Variants in DGKA observed in about 807,000 individuals in gnomAD.
DGKA encodes 80 kDa diacylglycerol kinase.
A neutral mutation model predicts 105.0 loss-of-function variants in DGKA; 35 were observed. The ratio of observed to expected loss-of-function variants is 0.33; its 90% confidence interval spans 0.25 to 0.44. DGKA has a LOEUF of 0.44. Among genes scored for constraint, DGKA ranks in the 20% least tolerant of loss-of-function variants. The pLI is 1.00. For synonymous variants in DGKA, 296 were observed against 332.0 expected, an observed-to-expected ratio of 0.89 and a Z score of 1.18; for missense variants, 665 against 915.0, an observed-to-expected ratio of 0.73 and a Z score of 3.53.
chr12:55,940,012 C>A lies in DGKA; in HGVS notation c.710-70C>A. 7.2e-7 allele frequency: 1 copy of A among 1,380,948 alleles called. No individual in the cohort carries two copies. Among genetic ancestry groups the A allele is most frequent in the Non-Finnish European group, 1.0e-6 (1 of 970,598 alleles). The allele number at this position is 1,380,948 out of a possible 1,614,324, so 85.5% of individuals were successfully genotyped here. On this transcript the variant is annotated intron_variant, in intron 9 of 23. Transcript: ENST00000331886. The surrounding 1 kb of genome is among the most constrained non-coding windows in gnomAD (Gnocchi z 4.3). ...AGGGATCACATATCTGATCCTGCCT[C>A]ACCCTCAGGTAAGAAGGAAATAGGG...
In DGKA at chr12:55,940,198, A is replaced by G. The variant is rs1885604411; in HGVS notation, c.798+28A>G. ...GAGTGATCTCATGCCTCCACCCCCAACATCACCTACATCCTGGCCCTGGCC... is the reference window on the plus strand; with the variant it reads ...GAGTGATCTCATGCCTCCACCCCCAGCATCACCTACATCCTGGCCCTGGCC... On this transcript the variant is annotated intron_variant, in intron 10 of 23. Coordinates refer to ENST00000331886, the MANE Select transcript of DGKA (RefSeq NM_001345.5). This position sits in a 1 kb window ranked among gnomAD's most constrained non-coding sequence, Gnocchi z 4.3. 1 of 1,613,612 alleles carries G rather than the reference A, an allele frequency of 6.2e-7. No individual in the cohort carries two copies.
At chr12:55,931,071 G>C (rs184026248), upstream of DGKA, 38 of 152,222 alleles carry the variant, frequency 2.5e-4, no homozygotes, top group African/African-American at 8.9e-4. Flanking sequence ...GGAACCTAAG[G>C]CTTTGTTACT....
chr12:55,945,908 A>G (rs11833164), intron 17 of DGKA, among the ~76,000 whole-genome samples: 13,478 of 150,140 alleles, frequency 0.09, 2,032 homozygotes, highest in African/African-American at 0.31. Flanking sequence ...TCATGTCTCA[A>G]CCTCCCAGGT....
chr12:55,939,712 A>G (rs1885496884), intron 9 of DGKA, 183 bp downstream of exon 9: 1 of 634,366 alleles, frequency 1.6e-6, no homozygotes, highest in East Asian at 2.7e-5. Flanking sequence ...AAAATGAGGT[A>G]ATTGTGAGCA....
chr12:55,928,069 C>G (rs916294653), upstream of DGKA, among the ~76,000 whole-genome samples: 17 of 152,312 alleles, frequency 1.1e-4, no homozygotes, highest in African/African-American at 4.1e-4. Context: ...CCGTACCTCC[C>G]TATTCTGCAG....
chr12:55,936,746 G>A (rs760694834), intron 2 of DGKA, 179 bp downstream of exon 2: 19 of 984,898 alleles, frequency 1.9e-5, no homozygotes, highest in Admixed American at 3.7e-5. Context: ...AAAAAGATCC[G>A]GATCTACCAC....
In DGKA at chr12:55,940,837, T is replaced by G. The variant is rs746042600; in HGVS notation, c.1018-60T>G. 1 of 1,600,036 alleles carries G rather than the reference T, an allele frequency of 6.2e-7. No individual in the cohort carries two copies. Among genetic ancestry groups the G allele is most frequent in the Admixed American group, 1.7e-5 (1 of 59,774 alleles). On this transcript the variant is annotated intron_variant, in intron 12 of 23. Coordinates refer to ENST00000331886, the MANE Select transcript of DGKA (RefSeq NM_001345.5). The surrounding 1 kb of genome is among the most constrained non-coding windows in gnomAD (Gnocchi z 4.3). ...ACTTTTAGGATTCAAGTCAGACCCC[T>G]CTATTTAGGGATTCATGCACAATAC...
At chr12:55,936,379 G>A in intron 1 of DGKA, 44 bp from the exon 2 acceptor site, 2 of 1,461,484 alleles carry the variant, frequency 1.4e-6, no homozygotes, top group Middle Eastern at 5.0e-4. Flanking sequence ...AAGACACCCA[G>A]ACAGCTGGCT....
chr12:55,940,820 G>A lies in DGKA; in HGVS notation c.1018-77G>A, dbSNP rs1271738061. ...TAGAATAGAGAGCTCATACTTTTAGGATTCAAGTCAGACCCCTCTATTTAG... is the reference window on the plus strand; with the variant it reads ...TAGAATAGAGAGCTCATACTTTTAGAATTCAAGTCAGACCCCTCTATTTAG... On this transcript the variant is annotated intron_variant, in intron 12 of 23. Coordinates refer to ENST00000331886, the MANE Select transcript of DGKA (RefSeq NM_001345.5). The surrounding 1 kb of genome is among the most constrained non-coding windows in gnomAD (Gnocchi z 4.3). 2.5e-6 allele frequency: 4 copies of A among 1,596,522 alleles called. No homozygotes were observed. Among genetic ancestry groups the A allele is most frequent in the Middle Eastern group, 3.3e-4 (2 of 6,024 alleles).
intron 1 of DGKA, among the ~76,000 whole-genome samples, chr12:55,934,202 TG>T (rs1333183623): frequency 1.3e-5 from 2 of 152,198 alleles, no homozygotes; most frequent in African/African-American, 4.8e-5. Flanking sequence ...CTCTCTCCTT[TG>T]CATTGTAACT....
At chr12:55,945,755 C>G (rs1370819974) in intron 17 of DGKA, among the ~76,000 whole-genome samples, 2 of 152,038 alleles carry the variant, frequency 1.3e-5, no homozygotes, top group East Asian at 3.9e-4. Flanking sequence ...TTGGTACCAC[C>G]CAGATGATCC....
chr12:55,949,579 G>A (rs1265580865), intron 17 of DGKA, among the ~76,000 whole-genome samples: 1 of 152,212 alleles, frequency 6.6e-6, no homozygotes, highest in African/African-American at 2.4e-5. Flanking sequence ...ATCAAGTCAT[G>A]CTGTAGCTAA....
At chr12:55,948,716 CAA>C (rs879799559) in intron 17 of DGKA, among the ~76,000 whole-genome samples, 3 of 131,720 alleles carry the variant, frequency 2.3e-5, no homozygotes, top group African/African-American at 2.8e-5. Context: ...GATCCTGTCT[CAA>C]AAAAAAAAAA....
At chr12:55,938,176 A>G (rs1885149829) in intron 5 of DGKA, 124 bp downstream of exon 5, 2 of 878,532 alleles carry the variant, frequency 2.3e-6, no homozygotes, top group Middle Eastern at 3.1e-4. Flanking sequence ...AGGTGGGGCC[A>G]GAGAATGAGC....
intron 17 of DGKA, 107 bp downstream of exon 17, chr12:55,942,370 A>T: frequency 9.4e-7 from 1 of 1,064,098 alleles, no homozygotes; most frequent in Non-Finnish European, 1.4e-6. Context: ...ATTGGGGAAG[A>T]AGAGGGGCAC....
At chr12:55,927,518 C>T, upstream of DGKA, 1 of 694,768 alleles carries the variant, frequency 1.4e-6, no homozygotes. Flanking sequence ...GCACCCAGAT[C>T]TCAGAGCGGC....
intron 5 of DGKA, 127 bp from the exon 6 acceptor site, chr12:55,938,382 TCC>T (rs1257567724): frequency 1.7e-6 from 2 of 1,175,682 alleles, no homozygotes; most frequent in African/African-American, 3.1e-5. Flanking sequence ...TCTCTCTCAG[TCC>T]CATCCCAGGC....
At chr12:55,942,448 C>G in intron 17 of DGKA, 185 bp downstream of exon 17, 1 of 599,416 alleles carries the variant, frequency 1.7e-6, no homozygotes, top group Non-Finnish European at 3.0e-6. Context: ...GGACCACAAT[C>G]TGAACCTAGA....
Position 55,952,736 on chromosome 12 carries a change from C to T in DGKA, c.1746C>T (p.Ile582=). ...GGGACTGTGCCCCCTCCTCTCAGAT[C>T]TGTGGGAAACCGCTGGATCTGAGCA... ...KKLEESLTVE[I]CGKPLDLSNL... The change falls in exon 21 of 24, where the codon ATC becomes ATT. Residue 582 remains isoleucine (I), a splice_region_variant and synonymous_variant. Coordinates refer to ENST00000331886, the MANE Select transcript of DGKA (RefSeq NM_001345.5). This position sits in a 1 kb window ranked among gnomAD's most constrained non-coding sequence, Gnocchi z 5.1. 6.2e-7 allele frequency: 1 copy of T among 1,614,022 alleles called. No homozygotes were observed. The highest frequency in any genetic ancestry group is 2.2e-5 in the East Asian group (1 of 44,884).
Sources: allele counts gnomAD v4.1 joint callset (sites outside exome capture counted in the v4.1 genomes callset), GRCh38; gene constraint gnomAD v4.1.1; non-coding constraint Gnocchi (gnomAD v3.1); transcripts MANE v1.5; gene names NCBI Gene and HGNC (gene_info 2026-07-23, HGNC 2026-07-21).